Variants in SNTG1 observed in about 807,000 individuals in gnomAD.
The protein encoded by SNTG1 is syntrophin gamma 1.
SNTG1 carries 39 observed loss-of-function variants against 74.7 expected under a neutral mutation model. The ratio of observed to expected loss-of-function variants is 0.52; its 90% confidence interval spans 0.40 to 0.68. SNTG1 has a LOEUF of 0.68. Among genes scored for constraint, SNTG1 ranks in the 30% least tolerant of loss-of-function variants. SNTG1 has a pLI of 0.00. For missense variants in SNTG1, 685 were observed against 609.5 expected, an observed-to-expected ratio of 1.12 and a Z score of -1.30; for synonymous variants, 254 against 217.1, an observed-to-expected ratio of 1.17 and a Z score of -1.49.
chr8:50,249,678 G>T lies in SNTG1; in HGVS notation c.-28+77043G>T, dbSNP rs147566409. Among the ~76,000 whole-genome samples the T allele has an allele frequency of 3.0e-3, 461 of 152,228 alleles. 1 individual carries two copies. The highest frequency in any genetic ancestry group is 6.2e-3 in the Admixed American group (95 of 15,288). On this transcript the variant is annotated intron_variant, in intron 2 of 18. Transcript: ENST00000642720. ...AACACCACAGTCACAAACTGCTGTA[G>T]CCTAGGCCTATAATAATCTCACACA...
chr8:50,207,078 C>T (rs1435758897), intron 2 of SNTG1, among the ~76,000 whole-genome samples: 2 of 152,144 alleles, frequency 1.3e-5, no homozygotes, highest in Non-Finnish European at 2.9e-5. Context: ...ATGCTGGCCT[C>T]ATAAAATGAG....
intron 8 of SNTG1, among the ~76,000 whole-genome samples, chr8:50,467,696 G>A (rs1414387289): frequency 2.0e-5 from 3 of 151,756 alleles, no homozygotes; most frequent in Non-Finnish European, 3.0e-5. Flanking sequence ...GGCTTTGATT[G>A]CTGCTTTTTC....
intron 4 of SNTG1, among the ~76,000 whole-genome samples, chr8:50,408,663 T>C (rs79606250): frequency 0.047 from 7,127 of 152,242 alleles, 217 homozygotes; most frequent in Middle Eastern, 0.096. Flanking sequence ...ACTGAGCATT[T>C]GGAGAAGCTC....
At chr8:50,049,180 C>G (rs551073920) in intron 1 of SNTG1, among the ~76,000 whole-genome samples, 45 of 152,140 alleles carry the variant, frequency 3.0e-4, no homozygotes, top group African/African-American at 8.9e-4. Context: ...TCAATAATCA[C>G]TTTAATTTAA....
intron 2 of SNTG1, among the ~76,000 whole-genome samples, chr8:50,365,351 A>C (rs1291098659): frequency 6.6e-6 from 1 of 152,124 alleles, no homozygotes; most frequent in Admixed American, 6.6e-5. Context: ...GCAGAGTGAA[A>C]ACATGGTTAG....
At chr8:50,331,796 T>C (rs913807422) in intron 2 of SNTG1, among the ~76,000 whole-genome samples, 16 of 152,166 alleles carry the variant, frequency 1.1e-4, no homozygotes, top group South Asian at 6.2e-4. Context: ...GAGGGAAGAT[T>C]TCTCAATTTC....
At chr8:50,258,488 C>T (rs2086990897) in intron 2 of SNTG1, among the ~76,000 whole-genome samples, 1 of 151,874 alleles carries the variant, frequency 6.6e-6, no homozygotes, top group Admixed American at 6.6e-5. Context: ...GACTTCAAAG[C>T]AATTATTGTA....
intron 12 of SNTG1, chr8:50,568,940 C>G (rs1022506304): frequency 6.6e-6 from 1 of 152,170 alleles, no homozygotes; most frequent in Non-Finnish European, 1.5e-5. Flanking sequence ...ACAACAGCTA[C>G]AAACATCACT....
At chr8:50,559,244 T>A (rs916056117) in intron 12 of SNTG1, among the ~76,000 whole-genome samples, 4 of 152,134 alleles carry the variant, frequency 2.6e-5, no homozygotes, top group African/African-American at 9.7e-5. Flanking sequence ...TTTAGATAAA[T>A]AAACAAAATT....
chr8:50,422,711 G>T (rs1321136990), intron 4 of SNTG1, among the ~76,000 whole-genome samples: 1 of 152,102 alleles, frequency 6.6e-6, no homozygotes, highest in Non-Finnish European at 1.5e-5. Flanking sequence ...ATGGAGCCAG[G>T]TGTTAGACAT....
At chr8:50,635,611 T>C (rs1317654023) in intron 13 of SNTG1, among the ~76,000 whole-genome samples, 3 of 152,162 alleles carry the variant, frequency 2.0e-5, no homozygotes, top group African/African-American at 7.2e-5. Context: ...CAATTGCCGA[T>C]GTTCACTTAA....
intron 1 of SNTG1, among the ~76,000 whole-genome samples, chr8:50,134,068 G>A (rs915814339): frequency 6.6e-6 from 1 of 152,160 alleles, no homozygotes; most frequent in African/African-American, 2.4e-5. Context: ...GGCTATTGGG[G>A]CAGGGGCTGC....
At chr8:50,140,830 G>C (rs1244187887) in intron 1 of SNTG1, among the ~76,000 whole-genome samples, 4 of 152,120 alleles carry the variant, frequency 2.6e-5, no homozygotes, top group Admixed American at 2.0e-4. Flanking sequence ...CAGGGAGATT[G>C]TTTTCATCTC....
chr8:50,046,271 A>G (rs75110163), intron 1 of SNTG1, among the ~76,000 whole-genome samples: 1 of 152,154 alleles, frequency 6.6e-6, no homozygotes, highest in Non-Finnish European at 1.5e-5. Context: ...TCTCCAAACT[A>G]GATTGTTTCC....
At chr8:50,776,026 G>A (rs1379455974) in intron 18 of SNTG1, among the ~76,000 whole-genome samples, 1 of 151,218 alleles carries the variant, frequency 6.6e-6, no homozygotes, top group Non-Finnish European at 1.5e-5. Flanking sequence ...ATATATTTGG[G>A]TCATGTTTTT....
chr8:50,639,061 A>G (rs1243084347), intron 13 of SNTG1, among the ~76,000 whole-genome samples: 6 of 152,086 alleles, frequency 3.9e-5, no homozygotes, highest in South Asian at 4.1e-4. Context: ...TTTTAATTGT[A>G]TAATAACTTG....
intron 13 of SNTG1, among the ~76,000 whole-genome samples, chr8:50,600,978 G>A (rs1287006344): frequency 6.6e-6 from 1 of 151,100 alleles, no homozygotes; most frequent in Admixed American, 6.6e-5. Context: ...GACCATCCTG[G>A]CCAACATGGT....
chr8:50,501,598 G>T (rs558768044), intron 8 of SNTG1, among the ~76,000 whole-genome samples: 1 of 138,064 alleles, frequency 7.2e-6, no homozygotes, highest in South Asian at 2.4e-4. Flanking sequence ...ACGAAGACCG[G>T]TTATTTTTTT....
At chr8:50,043,455 C>A (rs1818813905) in intron 1 of SNTG1, among the ~76,000 whole-genome samples, 2 of 152,156 alleles carry the variant, frequency 1.3e-5, no homozygotes, top group African/African-American at 4.8e-5. Context: ...ATTTACATGA[C>A]CTTTCATTCC....
Sources: allele counts gnomAD v4.1 joint callset (sites outside exome capture counted in the v4.1 genomes callset), GRCh38; gene constraint gnomAD v4.1.1; transcripts MANE v1.5; gene names NCBI Gene and HGNC (gene_info 2026-07-23, HGNC 2026-07-21).